Variants in LNX1 observed in about 807,000 individuals in gnomAD.
The protein encoded by LNX1 is ligand of numb-protein X 1.
LNX1 carries 54 observed loss-of-function variants against 68.4 expected under a neutral mutation model. The observed-to-expected ratio is 0.79, with a 90% CI of 0.63 to 0.99. The LOEUF (loss-of-function observed/expected upper bound fraction) is 0.99, where lower values mean the gene tolerates loss of function less well. Among genes scored for constraint, LNX1 ranks in the 50% least tolerant of loss-of-function variants. The pLI, the probability that LNX1 is intolerant of heterozygous loss-of-function variation, is 0.00. For synonymous variants in LNX1, 336 were observed against 350.0 expected (o/e 0.96, Z 0.45); for missense variants, 906 against 926.4 (o/e 0.98, Z 0.29).
Position 53,508,342 on chromosome 4 carries a change from TTGATTTGCC to T in LNX1, c.381-124_381-116del, listed in dbSNP as rs3841111. The stretch of plus-strand genomic sequence containing the variant: ...ATAATAGGCTTGTTGAACTTGGAAT[TTGATTTGCC>T]TGCCGCTATATCCTCTCTTCCCTTT... On this transcript the variant is annotated intron_variant, in intron 2 of 10. Transcript: ENST00000263925. The T allele has an allele frequency of 2.8e-3, 3,624 of 1,304,726 alleles. 129 individuals carry two copies. The East Asian group carries it at 0.076, about 28-fold the overall frequency. The allele number at this position is 1,304,726 out of a possible 1,614,324, so 80.8% of individuals were successfully genotyped here.
At chr4:53,504,961 T>G (rs539713913) in intron 4 of LNX1, among the ~76,000 whole-genome samples, 1 of 152,258 alleles carries the variant, frequency 6.6e-6, no homozygotes, top group African/African-American at 2.4e-5. Context: ...TGAAAAAGTT[T>G]GAGATGCTGC....
At chr4:53,467,984 C>A (rs1216308361) in intron 9 of LNX1, among the ~76,000 whole-genome samples, 1 of 152,160 alleles carries the variant, frequency 6.6e-6, no homozygotes, top group Non-Finnish European at 1.5e-5. Flanking sequence ...TCAGGAAATA[C>A]AGAGAATGCC....
chr4:53,605,181 C>A (rs1050124178), intron 2 of LNX1, among the ~76,000 whole-genome samples: 1 of 152,040 alleles, frequency 6.6e-6, no homozygotes, highest in Non-Finnish European at 1.5e-5. Flanking sequence ...TGGGGACTGG[C>A]AAAGTCACAT....
At position 53,508,041 on chromosome 4, in the gene LNX1, C is replaced by G. The variant is rs775061672; in HGVS notation, c.567G>C (p.Glu189Asp). ...LDNPAYVSSA[E>D]DGQPAISPVD... is the part of the protein sequence containing the mutation. ...CTGGGCTGATTGCTGGCTGCCCGTC[C>G]TCTGCCGAGGACACGTAGGCAGGGT... Residue 189 changes from glutamate to aspartate, a missense_variant, in exon 3 of 11, where the codon GAG (glutamate) becomes GAC (aspartate). Glu to Asp is a conservative substitution (Grantham distance 45, BLOSUM62 2). Coordinates refer to ENST00000263925, the MANE Select transcript of LNX1 (RefSeq NM_001126328.3). The G allele has an allele frequency of 5.0e-6, 8 of 1,614,024 alleles. No homozygotes were observed. In the African/African-American group the frequency reaches 9.3e-5, roughly 19 times the overall value.
intron 1 of LNX1, among the ~76,000 whole-genome samples, chr4:53,588,229 C>A (rs1196899575): frequency 6.6e-6 from 1 of 152,088 alleles, no homozygotes; most frequent in Non-Finnish European, 1.5e-5. Context: ...TATTAAGGAA[C>A]TTATTTAGGC....
intron 2 of LNX1, among the ~76,000 whole-genome samples, chr4:53,519,673 A>ACACACT (rs1198751412): frequency 1.3e-5 from 2 of 152,100 alleles, no homozygotes; most frequent in African/African-American, 4.8e-5. Context: ...ACACACACAC[A>ACACACT]TGCGCGCACA....
At position 53,478,545 on chromosome 4, in the gene LNX1, A is replaced by T; in HGVS notation, c.1663+20T>A. 1.3e-6 allele frequency: 2 copies of T among 1,594,600 alleles called. No homozygotes were observed. Among genetic ancestry groups the T allele is most frequent in the Non-Finnish European group, 1.7e-6 (2 of 1,168,062 alleles). ...GATTCTCTGCCACCCCAGTGCCTTT[A>T]AAATCCCTTTACTTTTTACCTGTTT... On this transcript the variant is annotated intron_variant, in intron 8 of 10. Coordinates refer to ENST00000263925, the MANE Select transcript of LNX1 (RefSeq NM_001126328.3).
At chr4:53,518,146 G>C (rs1726933608) in intron 2 of LNX1, among the ~76,000 whole-genome samples, 2 of 152,304 alleles carry the variant, frequency 1.3e-5, no homozygotes, top group African/African-American at 2.4e-5. Flanking sequence ...ATCTGTCTTG[G>C]CTTGTCAGGG....
intron 9 of LNX1, among the ~76,000 whole-genome samples, chr4:53,469,428 G>A (rs545838118): frequency 4.8e-4 from 73 of 152,254 alleles, no homozygotes; most frequent in Middle Eastern, 3.4e-3. Flanking sequence ...ACAATTAAAA[G>A]AACTAGAGAA....
intron 1 of LNX1, among the ~76,000 whole-genome samples, chr4:53,588,268 A>G (rs960979890): frequency 3.3e-5 from 5 of 152,202 alleles, no homozygotes; most frequent in African/African-American, 1.2e-4. Context: ...ACTGGGTCTG[A>G]TACACAGACC....
intron 2 of LNX1, among the ~76,000 whole-genome samples, chr4:53,540,708 A>T (rs910002842): frequency 2.6e-4 from 39 of 151,316 alleles, no homozygotes; most frequent in Non-Finnish European, 1.0e-4. Context: ...AAACAAAAAA[A>T]CCCCCCTGTT....
At chr4:53,568,630 C>T (rs984564489) in intron 2 of LNX1, among the ~76,000 whole-genome samples, 2 of 150,844 alleles carry the variant, frequency 1.3e-5, no homozygotes, top group Admixed American at 1.3e-4. Flanking sequence ...CTCACCACTC[C>T]TATTCAACAT....
intron 2 of LNX1, among the ~76,000 whole-genome samples, chr4:53,539,668 T>G (rs915192949): frequency 4.6e-5 from 7 of 152,272 alleles, no homozygotes; most frequent in Non-Finnish European, 1.0e-4. Context: ...AATGTTTTTG[T>G]TCTAACTTGT....
intron 1 of LNX1, among the ~76,000 whole-genome samples, chr4:53,631,891 G>A (rs1734288959): frequency 1.3e-5 from 2 of 151,878 alleles, no homozygotes; most frequent in Non-Finnish European, 2.9e-5. Flanking sequence ...GAGAATCCTT[G>A]ACTCGGTGTA....
intron 1 of LNX1, among the ~76,000 whole-genome samples, chr4:53,578,099 C>G (rs1731612445): frequency 6.6e-6 from 1 of 152,104 alleles, no homozygotes; most frequent in African/African-American, 2.4e-5. Flanking sequence ...TGTCTGACTC[C>G]AAGTTTCTGC....
intron 1 of LNX1, among the ~76,000 whole-genome samples, chr4:53,576,670 T>A (rs1322082339): frequency 6.6e-6 from 1 of 151,876 alleles, no homozygotes; most frequent in African/African-American, 2.4e-5. Context: ...GCCTCTTCCC[T>A]CAGCCCCAAC....
chr4:53,640,162 C>T (rs1734624859), intron 1 of LNX1, among the ~76,000 whole-genome samples: 2 of 152,150 alleles, frequency 1.3e-5, no homozygotes, highest in African/African-American at 4.8e-5. Flanking sequence ...AGGTTTTTAA[C>T]ATTCTTTTGT....
chr4:53,570,182 A>C (rs1731046681), intron 2 of LNX1, among the ~76,000 whole-genome samples: 2 of 141,842 alleles, frequency 1.4e-5, no homozygotes, highest in South Asian at 2.5e-4. Flanking sequence ...CCAAAGGACT[A>C]TAAATCATGC....
chr4:53,497,275 G>A lies in LNX1; in HGVS notation c.979-881C>T, dbSNP rs1481529747. Among the ~76,000 whole-genome samples the A allele has an allele frequency of 2.6e-5, 4 of 152,190 alleles. No individual in the cohort carries two copies. In the East Asian group the frequency reaches 5.8e-4, roughly 22 times the overall value. ...CCCTATGTTGGAAGAAAACAATTTCGCAGCAATTGCTGCACTCTGTGTTTG... is the reference window on the plus strand; with the variant it reads ...CCCTATGTTGGAAGAAAACAATTTCACAGCAATTGCTGCACTCTGTGTTTG... On this transcript the variant is annotated intron_variant, in intron 5 of 10. Coordinates refer to ENST00000263925, the MANE Select transcript of LNX1 (RefSeq NM_001126328.3).
Sources: gnomAD v4.1 joint callset for allele counts (sites outside exome capture counted in the v4.1 genomes callset) on GRCh38, gnomAD v4.1.1 for gene constraint, MANE v1.5 for transcripts, NCBI Gene and HGNC (gene_info 2026-07-23, HGNC 2026-07-21) for gene names.